TRNAU1AP: variants seen among roughly 807,000 people sequenced by gnomAD.
TRNAU1AP encodes the protein tRNA selenocysteine 1-associated protein 1.
A neutral mutation model predicts 43.3 loss-of-function variants in TRNAU1AP; 33 were observed. The observed-to-expected ratio is 0.76, with a 90% CI of 0.58 to 1.02. The LOEUF is 1.02. Ranked by LOEUF, TRNAU1AP falls within the 50% of genes least tolerant of loss-of-function variation. TRNAU1AP has a pLI of 0.00. For synonymous variants in TRNAU1AP, 143 were observed against 129.1 expected (o/e 1.11, Z -0.73); for missense variants, 290 against 362.7 (o/e 0.80, Z 1.63).
At chr1:28,561,591 C>T (rs1389712130) in intron 4 of TRNAU1AP, among the ~76,000 whole-genome samples, 193 bp downstream of exon 4, 1 of 152,142 alleles carries the variant, frequency 6.6e-6, no homozygotes, top group Non-Finnish European at 1.5e-5. Flanking sequence ...TGGTCCCTGC[C>T]CCTGGCTTCC....
At chr1:28,560,999 C>A in intron 3 of TRNAU1AP, 2 of 1,251,910 alleles carry the variant, frequency 1.6e-6, no homozygotes, top group Non-Finnish European at 2.1e-6. Flanking sequence ...TGCATTGCTG[C>A]CTCCCATAAC....
At chr1:28,573,854 T>C (rs1665715991) in intron 8 of TRNAU1AP, among the ~76,000 whole-genome samples, 1 of 151,862 alleles carries the variant, frequency 6.6e-6, no homozygotes, top group African/African-American at 2.4e-5. Flanking sequence ...GGAGACTCAC[T>C]TGAACCCGGG....
At chr1:28,561,049 A>G in intron 3 of TRNAU1AP, 1 of 1,348,594 alleles carries the variant, frequency 7.4e-7, no homozygotes, top group Non-Finnish European at 9.5e-7. Flanking sequence ...TGATTGGGAA[A>G]CTAGAATAGG....
At chr1:28,567,443 C>T in intron 6 of TRNAU1AP, 30 bp downstream of exon 6, 1 of 1,571,944 alleles carries the variant, frequency 6.4e-7, no homozygotes. Flanking sequence ...TAGAGAGACT[C>T]TAGACTCCCC....
At chr1:28,560,909 A>G in intron 3 of TRNAU1AP, 177 bp downstream of exon 3, 1 of 869,326 alleles carries the variant, frequency 1.2e-6, no homozygotes, top group Non-Finnish European at 1.7e-6. Flanking sequence ...TAACTTGTCC[A>G]AGGCAACACA....
At chr1:28,571,656 G>A (rs1444187877) in intron 7 of TRNAU1AP, among the ~76,000 whole-genome samples, 3 of 151,932 alleles carry the variant, frequency 2.0e-5, no homozygotes, top group East Asian at 3.9e-4. Flanking sequence ...AGTGGCAGGC[G>A]CCTATAATCC....
intron 2 of TRNAU1AP, 68 bp downstream of exon 2, chr1:28,553,805 C>T: frequency 1.4e-6 from 2 of 1,392,900 alleles, no homozygotes; most frequent in Non-Finnish European, 2.0e-6. Flanking sequence ...ATGTAAACAT[C>T]GTAGTCATGG....
At position 28,573,481 on chromosome 1, in the gene TRNAU1AP, A is replaced by T. The variant is rs371894668; in HGVS notation, c.727+1581A>T. On this transcript the variant is annotated intron_variant, in intron 8 of 8. Coordinates refer to ENST00000373830, the MANE Select transcript of TRNAU1AP (RefSeq NM_017846.5). ...TGGTGAAACCCCGTCTCTACTAAAA[A>T]TAAAAAAATTGCCAGGCGCGGTGGC... Among the ~76,000 whole-genome samples, 23 of 152,136 alleles carry T rather than the reference A, an allele frequency of 1.5e-4. No homozygotes were observed. The East Asian group carries it at 4.3e-3, about 28-fold the overall frequency.
chr1:28,554,856 AAG>A (rs1205524723), intron 2 of TRNAU1AP, among the ~76,000 whole-genome samples: 3 of 151,534 alleles, frequency 2.0e-5, no homozygotes, highest in Admixed American at 6.6e-5. Context: ...AAAAAAAAAA[AAG>A]AGTTATAATA....
In TRNAU1AP at chr1:28,567,288, AT is replaced by A; in HGVS notation, c.411-5del. 6.2e-7 allele frequency: 1 copy of A among 1,609,438 alleles called. No individual in the cohort carries two copies. The highest frequency in any genetic ancestry group is 1.1e-5 in the South Asian group (1 of 90,048). ...GTGATCTAAATTGTATATTTTTTTC[AT>A]GCAGGGGTTATGGTTTTGTGAAATT... On this transcript the variant is annotated splice_region_variant and splice_polypyrimidine_tract_variant and intron_variant, in intron 5 of 8. Coordinates refer to ENST00000373830, the MANE Select transcript of TRNAU1AP (RefSeq NM_017846.5).
intron 8 of TRNAU1AP, among the ~76,000 whole-genome samples, chr1:28,573,196 G>C (rs1054598219): frequency 6.7e-6 from 1 of 150,346 alleles, no homozygotes; most frequent in Non-Finnish European, 1.5e-5. Context: ...ACCACGCCCA[G>C]CTAATTTTTG....
At chr1:28,564,991 G>T (rs1161803312) in intron 5 of TRNAU1AP, 157 bp downstream of exon 5, 16 of 821,304 alleles carry the variant, frequency 1.9e-5, no homozygotes, top group Non-Finnish European at 3.2e-5. Flanking sequence ...TACAGGTGAG[G>T]GAGAATGCCA....
intron 5 of TRNAU1AP, chr1:28,565,117 C>T: frequency 2.6e-6 from 1 of 388,506 alleles, no homozygotes; most frequent in Non-Finnish European, 4.7e-6. Context: ...ATAAGTAAGT[C>T]ACATTTGAAA....
chr1:28,560,125 G>A (rs182147695), intron 2 of TRNAU1AP, among the ~76,000 whole-genome samples: 225 of 152,130 alleles, frequency 1.5e-3, no homozygotes, highest in African/African-American at 5.0e-3. Flanking sequence ...AATAAATACA[G>A]ATAAACGAAT....
At chr1:28,570,113 C>A (rs1018474371) in intron 6 of TRNAU1AP, among the ~76,000 whole-genome samples, 9 of 152,138 alleles carry the variant, frequency 5.9e-5, no homozygotes, top group African/African-American at 2.2e-4. Context: ...GAGTTCAAGA[C>A]CACCCTGGCC....
chr1:28,573,320 T>C (rs1665702636), intron 8 of TRNAU1AP, among the ~76,000 whole-genome samples: 1 of 144,550 alleles, frequency 6.9e-6, no homozygotes, highest in Non-Finnish European at 1.5e-5. Context: ...TGAGCCACCG[T>C]GCCCAGCCCA....
At chr1:28,562,362 G>C (rs1320173125) in intron 4 of TRNAU1AP, among the ~76,000 whole-genome samples, 1 of 152,098 alleles carries the variant, frequency 6.6e-6, no homozygotes, top group Non-Finnish European at 1.5e-5. Context: ...TTAGGATGCG[G>C]TGTATCCACT....
rs1665235534 is a variant in TRNAU1AP, at chr1:28,555,381, C to T, written c.125+1644C>T. Among the ~76,000 whole-genome samples, 3 of 152,056 alleles carry T rather than the reference C, an allele frequency of 2.0e-5. No individual in the cohort carries two copies. In the South Asian group the frequency reaches 6.2e-4, roughly 32 times the overall value. On this transcript the variant is annotated intron_variant, in intron 2 of 8. Transcript: ENST00000373830. ...ATAAATAAGTAAACATAACCAAATG[C>T]GTATTTTCAGATAGAGGTTCTCTAT...
intron 8 of TRNAU1AP, 141 bp downstream of exon 8, chr1:28,572,041 T>A (rs1040860153): frequency 1.3e-6 from 1 of 780,260 alleles, no homozygotes; most frequent in Admixed American, 2.0e-5. Flanking sequence ...CAGACAAATA[T>A]GTAATTATGG....
Sources: allele counts gnomAD v4.1 joint callset (sites outside exome capture counted in the v4.1 genomes callset), GRCh38; gene constraint gnomAD v4.1.1; transcripts MANE v1.5; gene names NCBI Gene and HGNC (gene_info 2026-07-23, HGNC 2026-07-21).